Variants in DNAI7 observed in about 807,000 individuals in gnomAD.
DNAI7 encodes cancer susceptibility 1.
In DNAI7, 78 loss-of-function variants were observed where a neutral mutation model predicts 86.6. The observed-to-expected ratio is 0.90, with a 90% CI of 0.75 to 1.09. The LOEUF is 1.09. DNAI7 is among the 50% of genes least tolerant of loss of function. DNAI7 has a pLI of 0.00. For synonymous variants in DNAI7, 274 were observed against 273.0 expected (o/e 1.00, Z -0.04); for missense variants, 753 against 810.2 (o/e 0.93, Z 0.86).
intron 10 of DNAI7, among the ~76,000 whole-genome samples, chr12:25,122,294 T>C (rs750835139): frequency 2.6e-5 from 4 of 151,858 alleles, no homozygotes; most frequent in Non-Finnish European, 5.9e-5. Flanking sequence ...CCCATCTCTA[T>C]AAATAATTTA....
At chr12:25,126,170 G>T (rs1337518195) in intron 9 of DNAI7, among the ~76,000 whole-genome samples, 2 of 152,178 alleles carry the variant, frequency 1.3e-5, no homozygotes, top group African/African-American at 4.8e-5. Context: ...AGGATTCCAA[G>T]CACTCCAAGT....
chr12:25,135,393 G>A (rs1943425943), intron 9 of DNAI7, among the ~76,000 whole-genome samples: 1 of 152,156 alleles, frequency 6.6e-6, no homozygotes, highest in African/African-American at 2.4e-5. Context: ...CAGTGGAATT[G>A]GGGAAGGACC....
chr12:25,146,959 C>A, intron 8 of DNAI7, 42 bp downstream of exon 8: 1 of 1,021,746 alleles, frequency 9.8e-7, no homozygotes, highest in Non-Finnish European at 1.6e-6. Flanking sequence ...GGCTCAATGT[C>A]TTTCTTTCCA....
Position 25,144,363 on chromosome 12 carries a change from A to C in DNAI7, c.1002+2T>G. 1 of 1,607,140 alleles carries C rather than the reference A, an allele frequency of 6.2e-7. No homozygotes were observed. Among genetic ancestry groups the C allele is most frequent in the Non-Finnish European group, 8.5e-7 (1 of 1,174,404 alleles). ...AAATGTGTATATTTAAATGTGTCCT[A>C]CCATTTTCACTTCAATATCACCTTG... is the stretch of plus-strand genomic sequence containing the variant. On this transcript the variant is annotated splice_donor_variant, in intron 9 of 15. Coordinates refer to ENST00000395987, the MANE Select transcript of DNAI7 (RefSeq NM_018272.5). LOFTEE classifies it high-confidence loss of function.
chr12:25,174,550 T>TGATATATATGG, intron 2 of DNAI7, among the ~76,000 whole-genome samples: 1 of 42,334 alleles, frequency 2.4e-5, no homozygotes, highest in African/African-American at 1.2e-4. Flanking sequence ...GATATATATA[T>TGATATATATGG]GATATATATA....
chr12:25,127,155 C>A (rs962575078), intron 9 of DNAI7, among the ~76,000 whole-genome samples: 3 of 152,208 alleles, frequency 2.0e-5, no homozygotes, highest in African/African-American at 7.2e-5. Flanking sequence ...TACATTCTAG[C>A]ACAAGCTCCT....
At chr12:25,150,588 T>A (rs10842486) in intron 6 of DNAI7, among the ~76,000 whole-genome samples, 1 of 135,516 alleles carries the variant, frequency 7.4e-6, no homozygotes, top group African/African-American at 3.2e-5. Context: ...TGGGAGACAG[T>A]GAGACTCTGT....
chr12:25,145,897 C>T (rs940083138), intron 8 of DNAI7, among the ~76,000 whole-genome samples: 2 of 152,192 alleles, frequency 1.3e-5, no homozygotes, highest in African/African-American at 4.8e-5. Flanking sequence ...GGGGAAATAG[C>T]ACTAAAATGT....
chr12:25,143,419 T>C (rs1466927620), intron 9 of DNAI7, among the ~76,000 whole-genome samples: 1 of 152,030 alleles, frequency 6.6e-6, no homozygotes, highest in African/African-American at 2.4e-5. Context: ...CGGCTAATTT[T>C]CTGTATTTTT....
At chr12:25,170,961 G>A (rs904341787) in intron 2 of DNAI7, among the ~76,000 whole-genome samples, 18 of 152,058 alleles carry the variant, frequency 1.2e-4, no homozygotes, top group African/African-American at 4.1e-4. Context: ...CAAAACCTCT[G>A]GGATACAGCA....
intron 9 of DNAI7, among the ~76,000 whole-genome samples, chr12:25,130,158 C>T (rs1245534104): frequency 1.3e-5 from 2 of 152,134 alleles, no homozygotes; most frequent in African/African-American, 2.4e-5. Context: ...ATTGTTAGCT[C>T]ATTAAAAACA....
At position 25,160,623 on chromosome 12, in the gene DNAI7, A is replaced by C. The variant is rs138685143; in HGVS notation, c.106+490T>G. Among the ~76,000 whole-genome samples, 23 of 152,340 alleles carry C rather than the reference A, an allele frequency of 1.5e-4. No homozygotes were observed. In the East Asian group the frequency reaches 4.4e-3, roughly 29 times the overall value. ...GGAATGACACAGTAGCAGGGGCCAC[A>C]GGCGCCAGGGATAAGAACCCCTTCC... On this transcript the variant is annotated intron_variant, in intron 3 of 15. Transcript: ENST00000395987.
intron 9 of DNAI7, among the ~76,000 whole-genome samples, chr12:25,137,594 A>G (rs1943691900): frequency 6.6e-6 from 1 of 152,196 alleles, no homozygotes; most frequent in Non-Finnish European, 1.5e-5. Flanking sequence ...TAAAAGATAC[A>G]GAACCACAGA....
At chr12:25,170,492 G>C (rs1388851815) in intron 2 of DNAI7, among the ~76,000 whole-genome samples, 1 of 151,568 alleles carries the variant, frequency 6.6e-6, no homozygotes, top group African/African-American at 2.4e-5. Context: ...ATTACTAATA[G>C]ATCTAAGAAA....
chr12:25,124,032 T>TTTTGTGTGTGTG (rs150611629), intron 9 of DNAI7, among the ~76,000 whole-genome samples: 1 of 144,574 alleles, frequency 6.9e-6, no homozygotes, highest in Non-Finnish European at 1.5e-5. Context: ...AGTATAAAAA[T>TTTTGTGTGTGTG]TGTGTGTGTG....
intron 2 of DNAI7, among the ~76,000 whole-genome samples, chr12:25,181,416 G>A (rs1949491175): frequency 6.6e-6 from 1 of 152,062 alleles, no homozygotes; most frequent in Non-Finnish European, 1.5e-5. Flanking sequence ...ATTGCATCCA[G>A]CCAAGACCTC....
chr12:25,139,552 C>T (rs1181893830), intron 9 of DNAI7, among the ~76,000 whole-genome samples: 1 of 152,144 alleles, frequency 6.6e-6, no homozygotes, highest in Non-Finnish European at 1.5e-5. Context: ...TTGCAGGGGA[C>T]ATGGATGAAG....
At chr12:25,130,438 G>A (rs1334485933) in intron 9 of DNAI7, among the ~76,000 whole-genome samples, 1 of 152,090 alleles carries the variant, frequency 6.6e-6, no homozygotes, top group Non-Finnish European at 1.5e-5. Flanking sequence ...TTGGGAGGCT[G>A]AGGCAGAAGA....
At chr12:25,132,623 T>G (rs2883028) in intron 9 of DNAI7, among the ~76,000 whole-genome samples, 149,807 of 150,090 alleles carry the variant, frequency 1, 74,802 homozygotes, top group Non-Finnish European at 1. Flanking sequence ...TACTATAAGT[T>G]AAATCACTAA....
Sources: gnomAD v4.1 joint callset for allele counts (sites outside exome capture counted in the v4.1 genomes callset) on GRCh38, gnomAD v4.1.1 for gene constraint, MANE v1.5 for transcripts, NCBI Gene and HGNC (gene_info 2026-07-23, HGNC 2026-07-21) for gene names.